DCLK1: variants seen among roughly 807,000 people sequenced by gnomAD.
DCLK1 encodes serine/threonine-protein kinase DCLK1.
A neutral mutation model predicts 86.2 loss-of-function variants in DCLK1; 16 were observed. The ratio of observed to expected loss-of-function variants is 0.19; its 90% CI spans 0.13 to 0.28. The LOEUF (loss-of-function observed/expected upper bound fraction) is 0.28, where lower values mean the gene tolerates loss of function less well. Among genes scored for constraint, DCLK1 ranks in the 10% least tolerant of loss-of-function variants. The pLI, the probability that DCLK1 is intolerant of heterozygous loss-of-function variation, is 1.00. For missense variants in DCLK1, 590 were observed against 940.2 expected, an observed-to-expected ratio of 0.63 and a Z score of 4.87; for synonymous variants, 369 against 370.5, an observed-to-expected ratio of 1.00 and a Z score of 0.05.
intron 3 of DCLK1, among the ~76,000 whole-genome samples, chr13:36,094,667 C>G (rs942819678): frequency 6.6e-6 from 1 of 152,218 alleles, no homozygotes; most frequent in African/African-American, 2.4e-5. Context: ...CATTCCTAAA[C>G]CCCCTAGTGG....
chr13:35,793,846 T>C (rs1040689309), intron 15 of DCLK1, among the ~76,000 whole-genome samples: 18 of 152,188 alleles, frequency 1.2e-4, no homozygotes, highest in Non-Finnish European at 2.1e-4. Flanking sequence ...GAACATCTTC[T>C]TTTTAATTTT....
chr13:36,025,822 A>T (rs1283543050), intron 3 of DCLK1, among the ~76,000 whole-genome samples: 1 of 151,756 alleles, frequency 6.6e-6, no homozygotes, highest in Non-Finnish European at 1.5e-5. Context: ...ATTAAAATAT[A>T]AAAAAAAATT....
intron 10 of DCLK1, 71 bp from the exon 11 acceptor site, chr13:35,822,946 G>A (rs1300983238): frequency 6.4e-7 from 1 of 1,551,262 alleles, no homozygotes; most frequent in African/African-American, 1.4e-5. Context: ...AGAGGCCATT[G>A]ACAAACCCCA....
At chr13:36,029,233 T>G (rs1372506600) in intron 3 of DCLK1, among the ~76,000 whole-genome samples, 1 of 152,204 alleles carries the variant, frequency 6.6e-6, no homozygotes, top group Non-Finnish European at 1.5e-5. Context: ...ATCACTTCCC[T>G]GACCTCCCTG....
chr13:36,043,060 T>A (rs892016740), intron 3 of DCLK1, among the ~76,000 whole-genome samples: 2 of 152,220 alleles, frequency 1.3e-5, no homozygotes, highest in Non-Finnish European at 2.9e-5. Context: ...ACATCCCACT[T>A]AACTGGAAAG....
In DCLK1 at chr13:35,928,731, G is replaced by A. The variant is rs576749498; in HGVS notation, c.823+18627C>T. Among the ~76,000 whole-genome samples the A allele has an allele frequency of 2.0e-4, 31 of 152,262 alleles. No individual in the cohort carries two copies. The South Asian group carries it at 6.0e-3, about 30-fold the overall frequency. On this transcript the variant is annotated intron_variant, in intron 4 of 16. Transcript: ENST00000360631. ...TGTAGATATTCACTCACTATTAGTT[G>A]AATCTTGCCAAATCTATACCTCTAT...
intron 3 of DCLK1, among the ~76,000 whole-genome samples, chr13:35,947,971 A>T (rs997742327): frequency 6.6e-6 from 1 of 152,242 alleles, no homozygotes. Context: ...AAATAATAAT[A>T]AATAAATTAA....
intron 3 of DCLK1, among the ~76,000 whole-genome samples, chr13:36,041,167 C>T (rs866176497): frequency 1.3e-5 from 2 of 152,072 alleles, no homozygotes; most frequent in South Asian, 2.1e-4. Context: ...TGTATATATA[C>T]GTACTGAAAA....
chr13:35,783,678 G>T (rs533964643), intron 16 of DCLK1, among the ~76,000 whole-genome samples: 1 of 150,726 alleles, frequency 6.6e-6, no homozygotes, highest in African/African-American at 2.4e-5. Context: ...TCCGCCTCCC[G>T]GGCCCAAATG....
chr13:36,067,807 A>G (rs981560795), intron 3 of DCLK1, among the ~76,000 whole-genome samples: 1 of 152,214 alleles, frequency 6.6e-6, no homozygotes, highest in Middle Eastern at 3.4e-3. Context: ...AGGAGCTGAC[A>G]CAGCAGGCAG....
intron 8 of DCLK1, among the ~76,000 whole-genome samples, chr13:35,830,776 A>G (rs1207403777): frequency 2.0e-5 from 3 of 152,208 alleles, no homozygotes; most frequent in Admixed American, 2.0e-4. Flanking sequence ...TGTGAGACTG[A>G]AAAATAAAAG....
chr13:35,826,531 A>G (rs1868459914), intron 10 of DCLK1, among the ~76,000 whole-genome samples: 5 of 37,510 alleles, frequency 1.3e-4, no homozygotes, highest in African/African-American at 2.4e-4. Context: ...CTCAAAAAAA[A>G]AAAAAAAAAA....
chr13:36,037,135 CA>C (rs1882532004), intron 3 of DCLK1, among the ~76,000 whole-genome samples: 1 of 152,086 alleles, frequency 6.6e-6, no homozygotes, highest in African/African-American at 2.4e-5. Context: ...TGAAATAAAC[CA>C]AATGCAGAAA....
chr13:35,928,488 G>A (rs1223068103), intron 4 of DCLK1, among the ~76,000 whole-genome samples: 1 of 152,112 alleles, frequency 6.6e-6, no homozygotes, highest in Non-Finnish European at 1.5e-5. Flanking sequence ...GCCCCCTGCA[G>A]CCTCCCCACA....
chr13:35,988,785 T>C (rs1353615874), intron 3 of DCLK1, among the ~76,000 whole-genome samples: 1 of 152,216 alleles, frequency 6.6e-6, no homozygotes, highest in Non-Finnish European at 1.5e-5. Context: ...CATGTTGCAA[T>C]GAGCTTCTGA....
chr13:35,780,505 G>C (rs1474869660), intron 16 of DCLK1, among the ~76,000 whole-genome samples: 2 of 152,170 alleles, frequency 1.3e-5, no homozygotes, highest in Non-Finnish European at 2.9e-5. Context: ...TTGACCAGTG[G>C]TAACCAAGGA....
intron 3 of DCLK1, among the ~76,000 whole-genome samples, chr13:35,955,491 C>T (rs547155570): frequency 1.3e-5 from 2 of 152,164 alleles, no homozygotes; most frequent in South Asian, 2.1e-4. Flanking sequence ...AACCTAATGG[C>T]CTAATCACCT....
At position 35,771,693 on chromosome 13, in the gene DCLK1, C is replaced by T. The variant is rs189955629; in HGVS notation, c.*2842G>A. ...TGGTCATGTGTCAGTAAAAGAAAGA[C>T]GGTCCCCATCACCAGGCCACCACCA... On this transcript the variant is annotated 3_prime_UTR_variant, in exon 17 of 17. Transcript: ENST00000360631. The T allele has an allele frequency of 2.8e-4, 42 of 152,152 alleles. No individual in the cohort carries two copies. In the East Asian group the frequency reaches 3.9e-3, roughly 14 times the overall value. The allele number at this position is 152,152 out of a possible 1,614,324, so 9.4% of individuals were successfully genotyped here. A position where few individuals can be genotyped will look rare whatever the true frequency, so the allele number is the denominator to read the frequency against.
chr13:35,875,933 G>A (rs1220936954), intron 4 of DCLK1, among the ~76,000 whole-genome samples: 1 of 152,104 alleles, frequency 6.6e-6, no homozygotes, highest in African/African-American at 2.4e-5. Flanking sequence ...AACTCTCTTG[G>A]GTTGGTGGCT....
Sources: allele counts gnomAD v4.1 joint callset (sites outside exome capture counted in the v4.1 genomes callset), GRCh38; gene constraint gnomAD v4.1.1; transcripts MANE v1.5; gene names NCBI Gene and HGNC (gene_info 2026-07-23, HGNC 2026-07-21).